Variants in KSR1 observed in about 807,000 individuals in gnomAD.
KSR1 encodes kinase suppressor of ras 1, also known as kinase suppressor of ras.
In KSR1, 35 loss-of-function variants were observed where a neutral mutation model predicts 92.9. The ratio of observed to expected loss-of-function variants is 0.38; its 90% confidence interval spans 0.29 to 0.50. The LOEUF (loss-of-function observed/expected upper bound fraction) is 0.50. Ranked by LOEUF, KSR1 falls within the 20% of genes least tolerant of loss-of-function variation. The probability of loss-of-function intolerance (pLI) is 0.94; values close to 1 mark genes in which losing one functional copy is unlikely to be tolerated. For synonymous variants in KSR1, 467 were observed against 472.6 expected (o/e 0.99, Z 0.15); for missense variants, 972 against 1,158.5 (o/e 0.84, Z 2.34).
At chr17:27,602,616 C>T (rs2073605561) in intron 11 of KSR1, among the ~76,000 whole-genome samples, 1 of 152,180 alleles carries the variant, frequency 6.6e-6, no homozygotes, top group African/African-American at 2.4e-5. Flanking sequence ...GGGGAGAAAC[C>T]ACACCCCAAC....
chr17:27,604,734 G>A lies in KSR1; in HGVS notation c.1614+6G>A. The A allele has an allele frequency of 6.2e-7, 1 of 1,613,936 alleles. No homozygotes were observed. On this transcript the variant is annotated splice_donor_region_variant and intron_variant, in intron 13 of 20. Coordinates refer to ENST00000644974, the MANE Select transcript of KSR1 (RefSeq NM_001394583.1). ...TGGAAGCTCACGAAGCGGAGGTGAG[G>A]GTGACACACACGTGTCCACAGATGG...
intron 1 of KSR1, among the ~76,000 whole-genome samples, chr17:27,546,483 G>A (rs531580896): frequency 1.3e-5 from 2 of 152,284 alleles, no homozygotes; most frequent in South Asian, 4.1e-4. Context: ...TATTGGGGGA[G>A]ACTGAGGCAG....
intron 1 of KSR1, among the ~76,000 whole-genome samples, chr17:27,529,531 C>T (rs2070453363): frequency 6.6e-6 from 1 of 152,262 alleles, no homozygotes; most frequent in South Asian, 2.1e-4. Flanking sequence ...GCTCCACGCT[C>T]CTGCCATGCT....
chr17:27,581,386 C>T (rs115403833), intron 3 of KSR1, among the ~76,000 whole-genome samples: 203 of 152,224 alleles, frequency 1.3e-3, no homozygotes, highest in African/African-American at 4.6e-3. Context: ...CTGATCTGGC[C>T]CCACTAGGCT....
At position 27,456,491 on chromosome 17, in the gene KSR1, A is replaced by C; in HGVS notation, c.-153A>C. The C allele has an allele frequency of 5.1e-6, 2 of 389,916 alleles. No individual in the cohort carries two copies. Among genetic ancestry groups the C allele is most frequent in the Non-Finnish European group, 4.5e-6 (1 of 222,556 alleles). The allele number at this position is 389,916 out of a possible 1,614,324, so 24.2% of individuals were successfully genotyped here. On this transcript the variant is annotated 5_prime_UTR_variant, in exon 1 of 21. Transcript: ENST00000644974. Reference sequence around the variant, plus strand: ...TTGCTGCCGCGGCTGGGAGGGTGGAAGCGGCAGACTCAGCGGCCGGCTCTA... The same window carrying C: ...TTGCTGCCGCGGCTGGGAGGGTGGACGCGGCAGACTCAGCGGCCGGCTCTA...
At chr17:27,480,111 T>A (rs9895839) in intron 1 of KSR1, among the ~76,000 whole-genome samples, 3 of 152,104 alleles carry the variant, frequency 2.0e-5, no homozygotes, top group African/African-American at 7.2e-5. Context: ...CAAAGTCAAG[T>A]CCCTAGCTTC....
At chr17:27,503,918 A>T (rs111969092) in intron 1 of KSR1, among the ~76,000 whole-genome samples, 13 of 152,104 alleles carry the variant, frequency 8.5e-5, no homozygotes, top group Non-Finnish European at 1.9e-4. Context: ...TACTACTGGG[A>T]TTTGGGAGTT....
chr17:27,513,771 G>A (rs1315413361), intron 1 of KSR1, among the ~76,000 whole-genome samples: 1 of 152,226 alleles, frequency 6.6e-6, no homozygotes, highest in East Asian at 1.9e-4. Flanking sequence ...CAGAATACGG[G>A]AGTTGCATGT....
In KSR1 at chr17:27,582,677, T is replaced by G. The variant is rs1400430925; in HGVS notation, c.552T>G (p.Ser184Arg). ...GGEHKEDSSW[S>R]SLDARRESGS... ...AGCACAAGGAGGACTCCAGTTGGAG[T>G]TCATTGGATGCGCGGCGGGAAAGTG... is the stretch of plus-strand genomic sequence containing the variant. Residue 184 changes from serine (S) to arginine (R), a missense_variant, in exon 4 of 21, where the codon AGT (serine) becomes AGG (arginine). Physicochemically the swap from Ser to Arg is moderately radical, Grantham distance 110. This residue lies in a region of KSR1 where 611 missense variants were observed against 668.0 expected (regional missense o/e 0.91). Transcript: ENST00000644974. 1 of 1,612,126 alleles carries G rather than the reference T, an allele frequency of 6.2e-7. No homozygotes were observed. Among genetic ancestry groups the G allele is most frequent in the Non-Finnish European group, 8.5e-7 (1 of 1,178,878 alleles).
chr17:27,583,943 A>G, intron 4 of KSR1: 7 of 982,338 alleles, frequency 7.1e-6, no homozygotes, highest in Non-Finnish European at 8.5e-6. Context: ...CAACCAGGCT[A>G]GCAGTTTTGT....
chr17:27,535,640 TCCTGGTTTTCCTATCAGCTGC>T (rs562721499), intron 1 of KSR1, among the ~76,000 whole-genome samples: 106 of 152,350 alleles, frequency 7.0e-4, no homozygotes, highest in African/African-American at 2.5e-3. Flanking sequence ...CAGTCACCCG[TCCTGGTTTTCCTATCAGCTGC>T]CAAAGGCACA....
chr17:27,526,558 T>G (rs2070306380), intron 1 of KSR1: 3 of 1,600,874 alleles, frequency 1.9e-6, no homozygotes, highest in Non-Finnish European at 2.6e-6. Context: ...TTGGCCACAA[T>G]GCACCTCATT....
intron 1 of KSR1, among the ~76,000 whole-genome samples, chr17:27,550,078 C>T (rs1469185128): frequency 6.6e-6 from 1 of 152,160 alleles, no homozygotes. Flanking sequence ...CTTGTTCTGT[C>T]ACCCGGGCTG....
At chr17:27,595,040 G>C (rs1351432286) in intron 9 of KSR1, among the ~76,000 whole-genome samples, 1 of 152,214 alleles carries the variant, frequency 6.6e-6, no homozygotes, top group Non-Finnish European at 1.5e-5. Flanking sequence ...TTCTAGCTTG[G>C]CACCACATGA....
At chr17:27,599,938 G>A (rs1480535832) in intron 10 of KSR1, among the ~76,000 whole-genome samples, 1 of 151,984 alleles carries the variant, frequency 6.6e-6, no homozygotes, top group Non-Finnish European at 1.5e-5. Flanking sequence ...GCAGCCTCAG[G>A]ATCATCAATA....
intron 19 of KSR1, among the ~76,000 whole-genome samples, chr17:27,620,334 G>T (rs1212125758): frequency 1.3e-5 from 2 of 152,174 alleles, no homozygotes; most frequent in African/African-American, 4.8e-5. Flanking sequence ...TACACAGATG[G>T]CCGAGGCCAG....
intron 14 of KSR1, among the ~76,000 whole-genome samples, chr17:27,607,691 G>A (rs373389559): frequency 3.8e-4 from 58 of 152,306 alleles, no homozygotes; most frequent in African/African-American, 1.3e-3. Flanking sequence ...CTCAGGGAAT[G>A]GGGGTTTGTG....
chr17:27,550,533 T>G (rs1284184608), intron 1 of KSR1, 35 bp from the exon 2 acceptor site: 1 of 761,184 alleles, frequency 1.3e-6, no homozygotes, highest in Non-Finnish European at 2.4e-6. Context: ...GGGCTGCAGA[T>G]GAACACAGGC....
intron 1 of KSR1, among the ~76,000 whole-genome samples, chr17:27,542,691 T>C (rs770547555): frequency 2.0e-5 from 3 of 152,224 alleles, no homozygotes; most frequent in Non-Finnish European, 2.9e-5. Flanking sequence ...AAAGTCTTCA[T>C]GCTCCTCCTT....
Sources: gnomAD v4.1 joint callset for allele counts (sites outside exome capture counted in the v4.1 genomes callset) on GRCh38, gnomAD v4.1.1 for gene constraint, gnomAD v4.1.1 regional missense constraint, MANE v1.5 for transcripts, NCBI Gene and HGNC (gene_info 2026-07-23, HGNC 2026-07-21) for gene names.